Variants in PUDP observed in about 807,000 individuals in gnomAD.
PUDP encodes the protein pseudouridine-5'-phosphatase.
A neutral mutation model predicts 9.4 loss-of-function variants in PUDP; 8 were observed. That is an observed-to-expected ratio of 0.85 (90% CI 0.50 to 1.53). PUDP has a LOEUF of 1.53. Among genes scored for constraint, PUDP ranks in the 40% most tolerant of loss-of-function variants. The probability of loss-of-function intolerance (pLI) is 0.00; values close to 1 mark genes in which losing one functional copy is unlikely to be tolerated. For synonymous variants in PUDP, 99 were observed against 80.7 expected (o/e 1.23, Z -1.22); for missense variants, 188 against 189.7 (o/e 0.99, Z 0.05).
intron 1 of PUDP, among the ~76,000 whole-genome samples, chrX:6,712,301 C>G (rs1250457989): frequency 1.8e-5 from 2 of 111,308 alleles, no homozygotes; most frequent in African/African-American, 3.3e-5. Context: ...CAGGCATGTG[C>G]CACCATGCCT....
At chrX:6,983,110 G>A (rs188841006) in intron 1 of PUDP, among the ~76,000 whole-genome samples, 109 of 112,163 alleles carry the variant, frequency 9.7e-4, no homozygotes, top group Admixed American at 3.0e-3. Context: ...CAAGGGGTTC[G>A]CCTTGCCCGC....
At chrX:6,784,927 A>G (rs1191750218) in intron 3 of PUDP, among the ~76,000 whole-genome samples, 1 of 112,387 alleles carries the variant, frequency 8.9e-6, no homozygotes. Flanking sequence ...AAGGATGGGC[A>G]AGGAACATGA....
In PUDP at chrX:7,148,116, T is replaced by G. The variant is rs772158489; in HGVS notation, c.-3A>C. The G allele has an allele frequency of 6.4e-5, 70 of 1,093,379 alleles. No individual in the cohort carries two copies. The African/African-American group carries it at 1.2e-3, about 19-fold the overall frequency. 90.1% of individuals were successfully genotyped at this position (1,093,379 alleles called of 1,213,427 possible). A position where few individuals can be genotyped will look rare whatever the true frequency, so the allele number is the denominator to read the frequency against. The stretch of plus-strand genomic sequence containing the variant: ...ACGGGCTGCGGGGGCGCCGCCATGG[T>G]GGCGCCTTCTGGGTCTGGGTGGGGG... On this transcript the variant is annotated 5_prime_UTR_variant, in exon 1 of 4. Transcript: ENST00000381077.
chrX:6,756,557 T>A (rs1925171211), intron 3 of PUDP, among the ~76,000 whole-genome samples: 1 of 112,091 alleles, frequency 8.9e-6, no homozygotes, highest in East Asian at 2.8e-4. Context: ...TTTAAATGGA[T>A]TAATGATATG....
At chrX:6,962,221 T>A (rs1044460134) in intron 3 of PUDP, among the ~76,000 whole-genome samples, 6 of 103,900 alleles carry the variant, frequency 5.8e-5, no homozygotes, top group Non-Finnish European at 8.0e-5. Context: ...TTTAGCATGG[T>A]CTGCCTCTGA....
At chrX:7,139,587 T>C (rs562750967) in intron 1 of PUDP, among the ~76,000 whole-genome samples, 1 of 111,929 alleles carries the variant, frequency 8.9e-6, no homozygotes, top group South Asian at 3.8e-4. Flanking sequence ...TTTTGGCTTT[T>C]GTCTGAAGGC....
chrX:6,794,810 T>C (rs571095968), intron 3 of PUDP, among the ~76,000 whole-genome samples: 3 of 110,182 alleles, frequency 2.7e-5, no homozygotes, highest in African/African-American at 9.9e-5. Flanking sequence ...TCTGCCACCT[T>C]GGCCTCCCAA....
chrX:6,831,497 G>C (rs758461551), intron 3 of PUDP, among the ~76,000 whole-genome samples: 21 of 112,130 alleles, frequency 1.9e-4, no homozygotes, highest in Non-Finnish European at 1.1e-4. Flanking sequence ...TCAGAAGCAA[G>C]ATGGACTCAG....
intron 1 of PUDP, among the ~76,000 whole-genome samples, chrX:7,128,424 A>G (rs1932537009): frequency 8.9e-6 from 1 of 112,142 alleles, no homozygotes; most frequent in African/African-American, 3.2e-5. Context: ...TCAATAGTTT[A>G]TAAATGTTTA....
chrX:6,727,497 C>T (rs941036526), intron 3 of PUDP, among the ~76,000 whole-genome samples: 9 of 112,086 alleles, frequency 8.0e-5, no homozygotes, highest in African/African-American at 2.6e-4. Context: ...ATTTCCCCTT[C>T]GAAGAATTTT....
At position 6,998,108 on chromosome X, in the gene PUDP, G is replaced by A. The variant is rs143702583; in HGVS notation, c.205-19765C>T. 7.8e-3 allele frequency among the ~76,000 whole-genome samples: 870 copies of A among 111,825 alleles called. 11 individuals carry two copies. Among genetic ancestry groups the A allele is most frequent in the African/African-American group, 0.027 (818 of 30,793 alleles). On this transcript the variant is annotated intron_variant and NMD_transcript_variant, in intron 1 of 3. Coordinates refer to the PUDP transcript ENST00000655425. ...TCAGCTTACAAGTATTGACACTGAGGATTAAGAGATGGATGTCCACCTGGA... is the reference window on the plus strand; with the variant it reads ...TCAGCTTACAAGTATTGACACTGAGAATTAAGAGATGGATGTCCACCTGGA...
intron 3 of PUDP, among the ~76,000 whole-genome samples, chrX:6,769,712 A>G (rs1272335090): frequency 2.7e-5 from 3 of 112,194 alleles, no homozygotes; most frequent in Admixed American, 9.4e-5. Context: ...GCATCTTCCT[A>G]TTGCTTAGAG....
chrX:7,110,736 A>AG (rs1424595565), intron 1 of PUDP, among the ~76,000 whole-genome samples: 4 of 99,505 alleles, frequency 4.0e-5, no homozygotes, highest in African/African-American at 1.5e-4. Context: ...TTACAGTTAA[A>AG]GGGGGTTGTT....
chrX:6,863,454 GA>G (rs1927033681), intron 3 of PUDP, among the ~76,000 whole-genome samples: 1 of 112,262 alleles, frequency 8.9e-6, no homozygotes, highest in Admixed American at 9.4e-5. Context: ...TTCAAAGATG[GA>G]AGAGGCAGGT....
intron 1 of PUDP, among the ~76,000 whole-genome samples, chrX:7,024,542 TTA>T (rs1007583477): frequency 7.3e-5 from 8 of 109,770 alleles, no homozygotes; most frequent in African/African-American, 1.0e-4. Flanking sequence ...TGAAACAATA[TTA>T]TGTTTCAAAT....
At chrX:6,916,912 C>T (rs779375408) in intron 3 of PUDP, among the ~76,000 whole-genome samples, 4 of 111,879 alleles carry the variant, frequency 3.6e-5, no homozygotes, top group Admixed American at 9.5e-5. Context: ...AACAAGGTTT[C>T]AATTAATAAA....
At chrX:7,068,455 G>T (rs1219635749) in intron 3 of PUDP, among the ~76,000 whole-genome samples, 1 of 111,757 alleles carries the variant, frequency 8.9e-6, no homozygotes, top group Non-Finnish European at 1.9e-5. Flanking sequence ...TGGGTGTGGG[G>T]ACAGGGGAGG....
At position 6,857,700 on chromosome X, in the gene PUDP, C is replaced by T. The variant is rs769460970; in HGVS notation, c.*247+119433G>A. Reference sequence around the variant, plus strand: ...CCTCCCACCTAGGCCTCCTAAAGTGCTGGGATTACACCTGTGAGCCACCCT... The same window carrying T: ...CCTCCCACCTAGGCCTCCTAAAGTGTTGGGATTACACCTGTGAGCCACCCT... On this transcript the variant is annotated intron_variant and NMD_transcript_variant, in intron 3 of 3. Transcript: ENST00000655425. Among the ~76,000 whole-genome samples, 5 of 111,941 alleles carry T rather than the reference C, an allele frequency of 4.5e-5. No homozygotes were observed. In the East Asian group the frequency reaches 1.4e-3, roughly 32 times the overall value.
intron 3 of PUDP, among the ~76,000 whole-genome samples, chrX:6,782,057 G>A (rs553348702): frequency 5.3e-4 from 59 of 111,089 alleles, no homozygotes; most frequent in South Asian, 2.3e-3. Context: ...AAACCACATC[G>A]TGTCTACACT....
Sources: gnomAD v4.1 joint callset for allele counts (sites outside exome capture counted in the v4.1 genomes callset) on GRCh38, gnomAD v4.1.1 for gene constraint, MANE v1.5 for transcripts, NCBI Gene and HGNC (gene_info 2026-07-23, HGNC 2026-07-21) for gene names.